Variants in AGMO observed in about 807,000 individuals in gnomAD.
AGMO encodes glyceryl-ether monooxygenase.
AGMO carries 75 observed loss-of-function variants against 60.2 expected under a neutral mutation model. The ratio of observed to expected loss-of-function variants is 1.25; its 90% CI spans 1.03 to 1.51. AGMO has a LOEUF of 1.51. Ranked by LOEUF, AGMO falls within the 40% of genes most tolerant of loss-of-function variation. The pLI is 0.00. For missense variants in AGMO, 763 were observed against 525.5 expected (o/e 1.45, Z -4.42); for synonymous variants, 261 against 177.1 (o/e 1.47, Z -3.76).
At chr7:15,270,995 G>T (rs868330831) in intron 12 of AGMO, among the ~76,000 whole-genome samples, 3 of 151,720 alleles carry the variant, frequency 2.0e-5, no homozygotes, top group Non-Finnish European at 4.4e-5. Context: ...TTATTTCTAG[G>T]TTTTCTATTC....
chr7:15,351,109 T>C (rs1782228407), intron 12 of AGMO, among the ~76,000 whole-genome samples: 1 of 152,178 alleles, frequency 6.6e-6, no homozygotes, highest in Admixed American at 6.5e-5. Context: ...TTAGGTATAG[T>C]TGATAAGAAG....
intron 12 of AGMO, among the ~76,000 whole-genome samples, chr7:15,261,633 C>A (rs1368013360): frequency 6.6e-6 from 1 of 151,932 alleles, no homozygotes; most frequent in Non-Finnish European, 1.5e-5. Flanking sequence ...AAGAGGGAAT[C>A]CTCCTTAAAT....
At chr7:15,145,448 A>G in the AGMO span, among the ~76,000 whole-genome samples, 3 of 152,188 alleles carry the variant, frequency 2.0e-5, no homozygotes, top group African/African-American at 7.2e-5. Flanking sequence ...AAAATTGACT[A>G]TCTTCATAAA....
At chr7:15,538,896 T>A (rs1223748982) in intron 3 of AGMO, among the ~76,000 whole-genome samples, 1 of 152,138 alleles carries the variant, frequency 6.6e-6, no homozygotes, top group East Asian at 1.9e-4. Flanking sequence ...ATCACTACCT[T>A]GTTTACATAC....
At chr7:15,245,856 G>A (rs1782725180) in intron 12 of AGMO, among the ~76,000 whole-genome samples, 1 of 152,114 alleles carries the variant, frequency 6.6e-6, no homozygotes. Flanking sequence ...TGGAGGAAAA[G>A]AAGGGAATCC....
intron 3 of AGMO, among the ~76,000 whole-genome samples, chr7:15,440,239 A>G (rs1185161895): frequency 1.3e-5 from 2 of 152,226 alleles, no homozygotes; most frequent in African/African-American, 2.4e-5. Flanking sequence ...TGAGAACACA[A>G]GCTCACAAAC....
At chr7:15,392,715 CT>C (rs2128485934) in intron 6 of AGMO, among the ~76,000 whole-genome samples, 1 of 152,206 alleles carries the variant, frequency 6.6e-6, no homozygotes, top group East Asian at 1.9e-4. Flanking sequence ...AGAAGAATCA[CT>C]TGAACCCGGT....
intron 5 of AGMO, among the ~76,000 whole-genome samples, chr7:15,399,817 C>T (rs1396405094): frequency 1.3e-5 from 2 of 152,138 alleles, no homozygotes; most frequent in Non-Finnish European, 2.9e-5. Flanking sequence ...TTGTAATGAA[C>T]CAAACAATGT....
At chr7:15,364,883 C>A (rs1191316346) in intron 12 of AGMO, among the ~76,000 whole-genome samples, 1 of 151,942 alleles carries the variant, frequency 6.6e-6, no homozygotes, top group East Asian at 1.9e-4. Context: ...AACAATATAA[C>A]CCTGAATTGC....
At chr7:15,151,097 C>T in the AGMO span, among the ~76,000 whole-genome samples, 1 of 152,000 alleles carries the variant, frequency 6.6e-6, no homozygotes, top group Non-Finnish European at 1.5e-5. Flanking sequence ...TTCTCTAGTT[C>T]GTGTGCACAG....
intron 12 of AGMO, among the ~76,000 whole-genome samples, chr7:15,343,200 T>C (rs1583431069): frequency 6.6e-6 from 1 of 152,172 alleles, no homozygotes; most frequent in Non-Finnish European, 1.5e-5. Context: ...CACTGTAAAA[T>C]GATCAATTCT....
intron 12 of AGMO, among the ~76,000 whole-genome samples, chr7:15,253,138 C>T (rs758632621): frequency 1.2e-4 from 19 of 152,038 alleles, no homozygotes; most frequent in Non-Finnish European, 2.4e-4. Context: ...AAAGAAATAA[C>T]GGCATAGAAA....
At chr7:15,531,609 CTATGTATAT>C in intron 3 of AGMO, among the ~76,000 whole-genome samples, 1 of 113,948 alleles carries the variant, frequency 8.8e-6, no homozygotes, top group East Asian at 2.4e-4. Context: ...TATATATATT[CTATGTATAT>C]TCTATATATA....
chr7:15,146,571 T>C, the AGMO span, among the ~76,000 whole-genome samples: 4 of 152,174 alleles, frequency 2.6e-5, no homozygotes, highest in Non-Finnish European at 5.9e-5. Context: ...GAAGTAATTA[T>C]GTATGTTAGT....
rs375133655 is a variant in AGMO at position 15,502,298 on chromosome 7, C to G, written c.409+42474G>C. ...CCTCCTTCATTGCTAAACATTCTTT[C>G]GCTCCCCCCAAGTCCCCCACCCCTA... On this transcript the variant is annotated intron_variant, in intron 3 of 12. Transcript: ENST00000342526. Among the ~76,000 whole-genome samples, 7 of 151,902 alleles carry G rather than the reference C, an allele frequency of 4.6e-5. No homozygotes were observed. The East Asian group carries it at 1.2e-3, about 25-fold the overall frequency.
intron 12 of AGMO, among the ~76,000 whole-genome samples, chr7:15,282,824 C>G (rs1298662984): frequency 6.6e-6 from 1 of 152,080 alleles, no homozygotes; most frequent in Non-Finnish European, 1.5e-5. Flanking sequence ...GGAAAGAATT[C>G]TAAGAGCAGT....
At chr7:15,360,642 G>A (rs1457541775) in intron 12 of AGMO, among the ~76,000 whole-genome samples, 1 of 151,838 alleles carries the variant, frequency 6.6e-6, no homozygotes. Context: ...GGTTGGAGGA[G>A]GTGGAGGAGG....
chr7:15,128,741 C>T, the AGMO span, among the ~76,000 whole-genome samples: 2 of 152,012 alleles, frequency 1.3e-5, no homozygotes, highest in African/African-American at 4.8e-5. Context: ...TACCTTAAAA[C>T]CAAGTGTAAT....
At chr7:15,353,255 G>T (rs1333555686) in intron 12 of AGMO, among the ~76,000 whole-genome samples, 1 of 152,178 alleles carries the variant, frequency 6.6e-6, no homozygotes, top group East Asian at 1.9e-4. Context: ...TAATAGGACA[G>T]CCATGAAAAA....
Sources: gnomAD v4.1 joint callset for allele counts (sites outside exome capture counted in the v4.1 genomes callset) on GRCh38, gnomAD v4.1.1 for gene constraint, MANE v1.5 for transcripts, NCBI Gene and HGNC (gene_info 2026-07-23, HGNC 2026-07-21) for gene names.